Variants in SNX24 observed in about 807,000 individuals in gnomAD.
The protein encoded by SNX24 is sorting nexin-24.
Under a neutral mutation model 28.7 loss-of-function variants are expected in SNX24, and 22 were observed. The ratio of observed to expected loss-of-function variants is 0.77; its 90% CI spans 0.55 to 1.10. The LOEUF (loss-of-function observed/expected upper bound fraction) is 1.10. Among genes scored for constraint, SNX24 ranks in the 50% least tolerant of loss-of-function variants. The probability of loss-of-function intolerance (pLI) is 0.00; values close to 1 mark genes in which losing one functional copy is unlikely to be tolerated. For missense variants in SNX24, 221 were observed against 201.1 expected, an observed-to-expected ratio of 1.10 and a Z score of -0.60; for synonymous variants, 69 against 71.5, an observed-to-expected ratio of 0.96 and a Z score of 0.18.
chr5:122,992,818 A>G (rs535088721), intron 3 of SNX24, among the ~76,000 whole-genome samples: 6 of 152,350 alleles, frequency 3.9e-5, no homozygotes, highest in African/African-American at 1.4e-4. Context: ...AGTAGGTGCT[A>G]AACAAATACT....
intron 1 of SNX24, among the ~76,000 whole-genome samples, chr5:122,929,954 A>T (rs1282021833): frequency 6.6e-6 from 1 of 152,022 alleles, no homozygotes; most frequent in Non-Finnish European, 1.5e-5. Context: ...TGCATATCTG[A>T]AAATAACATT....
At chr5:122,896,907 A>G (rs1246552128) in intron 1 of SNX24, among the ~76,000 whole-genome samples, 3 of 152,230 alleles carry the variant, frequency 2.0e-5, no homozygotes, top group Admixed American at 6.5e-5. Context: ...CTAACCACCA[A>G]ACATAAATGC....
chr5:122,928,147 C>G (rs893622738), intron 1 of SNX24, among the ~76,000 whole-genome samples: 1 of 152,140 alleles, frequency 6.6e-6, no homozygotes, highest in Non-Finnish European at 1.5e-5. Context: ...TCTAACTGTT[C>G]TCTCTCTGGA....
At position 122,920,379 on chromosome 5, in the gene SNX24, A is replaced by G. The variant is rs979161820; in HGVS notation, c.61-16355A>G. The stretch of plus-strand genomic sequence containing the variant: ...ATTTGCTGTTTGGTAAGAGAGATAC[A>G]GACTAAGACAACTAACTGAACAGAA... On this transcript the variant is annotated intron_variant, in intron 1 of 6. Coordinates refer to ENST00000261369, the MANE Select transcript of SNX24 (RefSeq NM_014035.4). Among the ~76,000 whole-genome samples, 7 of 152,372 alleles carry G rather than the reference A, an allele frequency of 4.6e-5. No homozygotes were observed. The South Asian group carries it at 1.2e-3, about 27-fold the overall frequency.
intron 1 of SNX24, among the ~76,000 whole-genome samples, chr5:122,901,851 A>G (rs963225887): frequency 5.3e-5 from 8 of 152,084 alleles, no homozygotes; most frequent in Admixed American, 6.6e-5. Flanking sequence ...TTGCTTCTTA[A>G]TGGGTGTCTG....
intron 1 of SNX24, among the ~76,000 whole-genome samples, chr5:122,932,617 C>T (rs896855761): frequency 2.0e-5 from 3 of 152,152 alleles, no homozygotes; most frequent in Non-Finnish European, 4.4e-5. Flanking sequence ...CGCCTGTAAT[C>T]CCAGCACTTG....
At chr5:123,025,586 C>T (rs1278025185) in intron 5 of SNX24, among the ~76,000 whole-genome samples, 2 of 152,142 alleles carry the variant, frequency 1.3e-5, no homozygotes, top group Non-Finnish European at 2.9e-5. Flanking sequence ...TTAATTTCTC[C>T]TTGTCAAGTC....
intron 3 of SNX24, among the ~76,000 whole-genome samples, chr5:122,969,734 T>G (rs1012907722): frequency 2.6e-5 from 4 of 152,200 alleles, no homozygotes; most frequent in African/African-American, 4.8e-5. Flanking sequence ...TGTTATTATT[T>G]TAAAACATTC....
chr5:122,980,910 G>C (rs1359776584), intron 3 of SNX24, among the ~76,000 whole-genome samples: 1 of 152,064 alleles, frequency 6.6e-6, no homozygotes, highest in Non-Finnish European at 1.5e-5. Flanking sequence ...GAGAGCCATT[G>C]CCTCTGAAAT....
chr5:122,926,166 C>T (rs1452834475), intron 1 of SNX24, among the ~76,000 whole-genome samples: 3 of 152,120 alleles, frequency 2.0e-5, no homozygotes, highest in Non-Finnish European at 4.4e-5. Flanking sequence ...CCTGGAACAA[C>T]AACTGAACAG....
At chr5:122,883,135 A>G (rs1490230079) in intron 1 of SNX24, among the ~76,000 whole-genome samples, 1 of 152,170 alleles carries the variant, frequency 6.6e-6, no homozygotes, top group Non-Finnish European at 1.5e-5. Context: ...AGAAGGAGAT[A>G]ACTGTTCTTT....
chr5:122,963,852 G>T (rs1364326851), intron 3 of SNX24, among the ~76,000 whole-genome samples: 1 of 151,922 alleles, frequency 6.6e-6, no homozygotes, highest in African/African-American at 2.4e-5. Flanking sequence ...TAACTTTTTT[G>T]TTATTGTTCT....
At chr5:122,903,547 A>G (rs1416300350) in intron 1 of SNX24, among the ~76,000 whole-genome samples, 1 of 152,146 alleles carries the variant, frequency 6.6e-6, no homozygotes, top group Non-Finnish European at 1.5e-5. Flanking sequence ...TGCTTTATGC[A>G]TCTAATTATC....
At chr5:122,989,780 C>CT (rs1189562787) in intron 3 of SNX24, among the ~76,000 whole-genome samples, 1 of 152,146 alleles carries the variant, frequency 6.6e-6, no homozygotes, top group African/African-American at 2.4e-5. Flanking sequence ...GAACAAATGT[C>CT]TGTAATTTAA....
chr5:123,025,234 T>C (rs1348938405), intron 5 of SNX24, among the ~76,000 whole-genome samples: 3 of 152,214 alleles, frequency 2.0e-5, no homozygotes, highest in African/African-American at 4.8e-5. Context: ...ATTTACATTG[T>C]TGTGCAACCA....
intron 1 of SNX24, among the ~76,000 whole-genome samples, chr5:122,913,891 C>T (rs1353091774): frequency 1.3e-5 from 2 of 152,198 alleles, no homozygotes; most frequent in East Asian, 1.9e-4. Context: ...GCGGATCACT[C>T]GCGGTTAGGA....
In SNX24 at chr5:122,936,677, A is replaced by G. The variant is rs1047429728; in HGVS notation, c.61-57A>G. On this transcript the variant is annotated intron_variant, in intron 1 of 6. Coordinates refer to ENST00000261369, the MANE Select transcript of SNX24 (RefSeq NM_014035.4). The stretch of plus-strand genomic sequence containing the variant: ...TATATCATGGTCACAAACTTACCAC[A>G]TCAGACAATTGAGGGTTTTGAACTA... The G allele has an allele frequency of 6.9e-6, 7 of 1,016,318 alleles. No individual in the cohort carries two copies. The African/African-American group carries it at 8.0e-5, about 12-fold the overall frequency. The allele number at this position is 1,016,318 out of a possible 1,614,324, so 63.0% of individuals were successfully genotyped here.
intron 3 of SNX24, among the ~76,000 whole-genome samples, chr5:122,975,139 T>G (rs973480012): frequency 9.9e-5 from 15 of 152,202 alleles, no homozygotes; most frequent in Non-Finnish European, 2.2e-4. Flanking sequence ...AGTTGACCAT[T>G]ACCCCATCAC....
At chr5:123,004,443 C>T (rs1176453252) in intron 6 of SNX24, among the ~76,000 whole-genome samples, 4 of 152,152 alleles carry the variant, frequency 2.6e-5, no homozygotes. Context: ...CAGTGTCTCC[C>T]CTTGGCTTTC....
Sources: gnomAD v4.1 joint callset for allele counts (sites outside exome capture counted in the v4.1 genomes callset) on GRCh38, gnomAD v4.1.1 for gene constraint, MANE v1.5 for transcripts, NCBI Gene and HGNC (gene_info 2026-07-23, HGNC 2026-07-21) for gene names.